DCAF6: variants seen among roughly 807,000 people sequenced by gnomAD.
DCAF6 encodes DDB1 and CUL4 associated factor 6.
DCAF6 carries 54 observed loss-of-function variants against 125.1 expected under a neutral mutation model. The observed-to-expected ratio is 0.43, with a 90% CI of 0.35 to 0.54. The LOEUF (loss-of-function observed/expected upper bound fraction) is 0.54, where lower values mean the gene tolerates loss of function less well. DCAF6 is among the 20% of genes least tolerant of loss of function. DCAF6 has a pLI of 0.01. For missense variants in DCAF6, 934 were observed against 1,161.7 expected (o/e 0.80, Z 2.85); for synonymous variants, 371 against 390.4 (o/e 0.95, Z 0.58).
At chr1:167,968,828 T>C (rs1022146225) in intron 3 of DCAF6, among the ~76,000 whole-genome samples, 1 of 152,222 alleles carries the variant, frequency 6.6e-6, no homozygotes, top group Non-Finnish European at 1.5e-5. Flanking sequence ...TTTGAAGGAC[T>C]CAGTTCCATT....
intron 14 of DCAF6, 39 bp downstream of exon 14, chr1:168,043,179 G>A (rs1688767000): frequency 2.1e-6 from 3 of 1,437,244 alleles, no homozygotes; most frequent in Non-Finnish European, 2.9e-6. Flanking sequence ...TAAAATTGCA[G>A]CATTGGATGT....
chr1:167,901,711 C>T, the DCAF6 span: 3 of 1,614,224 alleles, frequency 1.9e-6, no homozygotes, highest in Admixed American at 3.3e-5. Context: ...GGGTCTCAAA[C>T]AATCCATGGA....
chr1:167,930,995 G>A (rs1286697609), upstream of DCAF6, among the ~76,000 whole-genome samples: 2 of 152,210 alleles, frequency 1.3e-5, no homozygotes, highest in African/African-American at 4.8e-5. Context: ...GCAGTGGCAC[G>A]ATCTTGGCTC....
At chr1:167,944,542 G>A (rs1301407365) in intron 1 of DCAF6, among the ~76,000 whole-genome samples, 1 of 152,002 alleles carries the variant, frequency 6.6e-6, no homozygotes, top group Admixed American at 6.6e-5. Flanking sequence ...AATTTGATTT[G>A]CATTTCTCTT....
At chr1:168,061,898 C>T (rs115395532) in intron 17 of DCAF6, among the ~76,000 whole-genome samples, 2,771 of 152,128 alleles carry the variant, frequency 0.018, 77 homozygotes, top group African/African-American at 0.063. Flanking sequence ...TCTAGCAGCT[C>T]CTCTTCTAGG....
At chr1:167,929,159 G>A in the DCAF6 span, among the ~76,000 whole-genome samples, 1 of 151,276 alleles carries the variant, frequency 6.6e-6, no homozygotes, top group Non-Finnish European at 1.5e-5. Context: ...GGGAGTTTGA[G>A]ACTAGCCTGA....
chr1:167,960,217 T>C (rs1675364588), intron 2 of DCAF6, among the ~76,000 whole-genome samples: 2 of 152,116 alleles, frequency 1.3e-5, no homozygotes, highest in South Asian at 4.1e-4. Context: ...TTCTGTTTAG[T>C]TATCTGTTTG....
intron 16 of DCAF6, among the ~76,000 whole-genome samples, chr1:168,045,935 C>T (rs574692879): frequency 1.3e-5 from 2 of 152,124 alleles, no homozygotes; most frequent in South Asian, 2.1e-4. Context: ...TGTCCTCTTT[C>T]AGAGAACCTA....
At chr1:167,896,676 G>A in the DCAF6 span, 1 of 1,609,482 alleles carries the variant, frequency 6.2e-7, no homozygotes, top group East Asian at 2.2e-5. Context: ...TTGGGGGGTG[G>A]TTTTAAGAAG....
chr1:167,968,290 C>T (rs1011537340), intron 3 of DCAF6, among the ~76,000 whole-genome samples: 2 of 152,144 alleles, frequency 1.3e-5, no homozygotes, highest in African/African-American at 2.4e-5. Context: ...ACAGAAATAA[C>T]AGATACTATG....
At chr1:167,869,567 T>C in the DCAF6 span, among the ~76,000 whole-genome samples, 13,435 of 152,028 alleles carry the variant, frequency 0.088, 1,812 homozygotes, top group African/African-American at 0.3. Flanking sequence ...GACCTAAGCC[T>C]GGTAGTTAAA....
the DCAF6 span, among the ~76,000 whole-genome samples, chr1:167,901,084 T>C: frequency 1.3e-5 from 2 of 152,202 alleles, no homozygotes; most frequent in African/African-American, 4.8e-5. Context: ...AGGACTGTCA[T>C]ATAGTGTGCG....
intron 16 of DCAF6, among the ~76,000 whole-genome samples, chr1:168,048,752 G>A (rs1689451297): frequency 6.6e-6 from 1 of 152,054 alleles, no homozygotes; most frequent in Non-Finnish European, 1.5e-5. Flanking sequence ...TGGCTTTGTT[G>A]GCCAGGAGAC....
chr1:167,866,476 G>C, the DCAF6 span, among the ~76,000 whole-genome samples: 1 of 147,942 alleles, frequency 6.8e-6, no homozygotes, highest in Non-Finnish European at 1.5e-5. Context: ...AAAAACTCAG[G>C]TCGGCCCCAG....
intron 3 of DCAF6, among the ~76,000 whole-genome samples, chr1:167,969,583 T>G (rs1333441830): frequency 6.6e-6 from 1 of 152,214 alleles, no homozygotes; most frequent in Admixed American, 6.5e-5. Context: ...TTTCCACACT[T>G]AATAAGATAT....
intron 4 of DCAF6, among the ~76,000 whole-genome samples, chr1:167,977,208 GTTTTTT>G (rs532923328): frequency 6.7e-4 from 85 of 127,186 alleles, no homozygotes; most frequent in Middle Eastern, 8.5e-3. Context: ...CTGGGCCACA[GTTTTTT>G]TTTTTTTTTT....
At chr1:167,864,525 C>T in the DCAF6 span, among the ~76,000 whole-genome samples, 7 of 151,926 alleles carry the variant, frequency 4.6e-5, no homozygotes, top group South Asian at 2.1e-4. Context: ...ACCCCCTTCG[C>T]CCCCACAGTA....
At chr1:167,880,121 A>G in the DCAF6 span, 1 of 1,612,070 alleles carries the variant, frequency 6.2e-7, no homozygotes, top group Middle Eastern at 1.7e-4. Context: ...ACACCTGTGT[A>G]CTCGTGTCTC....
chr1:167,937,741 A>G (rs971824577), intron 1 of DCAF6, among the ~76,000 whole-genome samples: 5 of 151,578 alleles, frequency 3.3e-5, no homozygotes, highest in African/African-American at 9.8e-5. Flanking sequence ...TTCGTTTTGC[A>G]TAACATTTTT....
Sources: allele counts gnomAD v4.1 joint callset (sites outside exome capture counted in the v4.1 genomes callset), GRCh38; gene constraint gnomAD v4.1.1; transcripts MANE v1.5; gene names NCBI Gene and HGNC (gene_info 2026-07-23, HGNC 2026-07-21).